The following IL1RAPL1 variants were observed in gnomAD, a reference collection of about 807,000 sequenced individuals.
The protein encoded by IL1RAPL1 is interleukin 1 receptor accessory protein like 1, also known as interleukin-1 receptor accessory protein-like 1.
Under a neutral mutation model 48.4 loss-of-function variants are expected in IL1RAPL1, and 3 were observed. The observed-to-expected ratio is 0.06, with a 90% CI of 0.03 to 0.16. IL1RAPL1 has a LOEUF of 0.16. Among genes scored for constraint, IL1RAPL1 ranks in the 10% least tolerant of loss-of-function variants. The probability of loss-of-function intolerance (pLI) is 1.00; values close to 1 mark genes in which losing one functional copy is unlikely to be tolerated. For synonymous variants in IL1RAPL1, 185 were observed against 187.7 expected (o/e 0.99, Z 0.12); for missense variants, 349 against 530.6 (o/e 0.66, Z 3.36).
At chrX:28,632,694 A>C (rs1406443898) in intron 1 of IL1RAPL1, among the ~76,000 whole-genome samples, 1 of 111,574 alleles carries the variant, frequency 9.0e-6, no homozygotes, top group Non-Finnish European at 1.9e-5. Flanking sequence ...TTACAAATTA[A>C]CATTATTTTA....
At chrX:29,018,410 T>C (rs1011096363) in intron 2 of IL1RAPL1, among the ~76,000 whole-genome samples, 1 of 112,186 alleles carries the variant, frequency 8.9e-6, no homozygotes, top group Admixed American at 9.5e-5. Context: ...TAGGACTACA[T>C]TGATTTTGTC....
intron 2 of IL1RAPL1, among the ~76,000 whole-genome samples, chrX:28,991,328 A>C (rs991553919): frequency 2.7e-5 from 3 of 112,169 alleles, no homozygotes; most frequent in African/African-American, 9.7e-5. Context: ...TATGCTTATC[A>C]GATGAAAGAA....
chrX:29,368,590 C>CTTTTTTT (rs894805840), intron 3 of IL1RAPL1, among the ~76,000 whole-genome samples: 3 of 87,668 alleles, frequency 3.4e-5, no homozygotes, highest in African/African-American at 4.4e-5. Flanking sequence ...CTTTTTCTTT[C>CTTTTTTT]TTTTTTTTTT....
intron 3 of IL1RAPL1, among the ~76,000 whole-genome samples, chrX:29,354,358 A>T (rs1360613419): frequency 9.0e-6 from 1 of 111,662 alleles, no homozygotes; most frequent in Non-Finnish European, 1.9e-5. Context: ...AGTATCCAAC[A>T]CTAGTTGTAT....
chrX:29,956,251 G>A lies in IL1RAPL1; in HGVS notation c.*431G>A, dbSNP rs1296189611. 1 of 134,093 alleles carries A rather than the reference G, an allele frequency of 7.5e-6. No homozygotes were observed. The highest frequency in any genetic ancestry group is 1.4e-5 in the Non-Finnish European group (1 of 70,580). The allele number at this position is 134,093 out of a possible 1,213,427, so 11.1% of individuals were successfully genotyped here. Reference sequence around the variant, plus strand: ...GACAAGGAGCACCGGATTCTTTCTCGGGTTCTGCCTAGCATCAACTGGGCC... The same window carrying A: ...GACAAGGAGCACCGGATTCTTTCTCAGGTTCTGCCTAGCATCAACTGGGCC... On this transcript the variant is annotated 3_prime_UTR_variant, in exon 11 of 11. Coordinates refer to ENST00000378993, the MANE Select transcript of IL1RAPL1 (RefSeq NM_014271.4).
At chrX:28,861,048 A>G (rs73631613) in intron 2 of IL1RAPL1, among the ~76,000 whole-genome samples, 2,587 of 111,094 alleles carry the variant, frequency 0.023, 74 homozygotes, top group African/African-American at 0.08. Context: ...TTTTTTCTCA[A>G]TAATACTACT....
chrX:29,398,040 A>T (rs1404204691), intron 4 of IL1RAPL1, among the ~76,000 whole-genome samples: 8 of 111,857 alleles, frequency 7.2e-5, no homozygotes, highest in Non-Finnish European at 1.5e-4. Flanking sequence ...AAAAGTCATA[A>T]CATTTCAGAT....
intron 5 of IL1RAPL1, among the ~76,000 whole-genome samples, chrX:29,526,428 TA>T (rs908266558): frequency 1.8e-5 from 2 of 111,591 alleles, no homozygotes; most frequent in Non-Finnish European, 3.8e-5. Context: ...TTAGAAAAGA[TA>T]AATTAGAGGC....
chrX:29,526,227 G>T (rs1569331037), intron 5 of IL1RAPL1, among the ~76,000 whole-genome samples: 2 of 111,500 alleles, frequency 1.8e-5, no homozygotes, highest in Non-Finnish European at 3.8e-5. Context: ...AAAATATACT[G>T]CATCTAGAAA....
intron 9 of IL1RAPL1, among the ~76,000 whole-genome samples, chrX:29,952,147 T>C (rs2086464280): frequency 8.9e-6 from 1 of 111,908 alleles, no homozygotes; most frequent in Admixed American, 9.5e-5. Flanking sequence ...TTCTGAATGC[T>C]CCGTTCTTAC....
chrX:29,556,274 A>T, intron 5 of IL1RAPL1, among the ~76,000 whole-genome samples: 1 of 112,262 alleles, frequency 8.9e-6, no homozygotes, highest in South Asian at 3.7e-4. Flanking sequence ...CTCTTGAACT[A>T]TATATGGTGT....
chrX:29,212,982 T>C (rs770163983), intron 2 of IL1RAPL1, among the ~76,000 whole-genome samples: 1 of 111,333 alleles, frequency 9.0e-6, no homozygotes, highest in Non-Finnish European at 1.9e-5. Flanking sequence ...CAACTGTATA[T>C]TCAGAATTAG....
At chrX:29,310,088 C>T (rs1039219851) in intron 3 of IL1RAPL1, among the ~76,000 whole-genome samples, 1 of 44,004 alleles carries the variant, frequency 2.3e-5, no homozygotes, top group Non-Finnish European at 3.8e-5. Context: ...AGCGAGACTC[C>T]GTCTCAAAAA....
At chrX:29,426,563 G>T (rs1180825615) in intron 5 of IL1RAPL1, among the ~76,000 whole-genome samples, 1 of 111,380 alleles carries the variant, frequency 9.0e-6, no homozygotes, top group African/African-American at 3.3e-5. Context: ...GTAATGTTGG[G>T]AACAATATTT....
intron 2 of IL1RAPL1, among the ~76,000 whole-genome samples, chrX:28,940,890 CTG>C (rs1216055458): frequency 9.0e-6 from 1 of 110,519 alleles, no homozygotes; most frequent in African/African-American, 3.3e-5. Context: ...TTCATAAATG[CTG>C]TACCTCATGA....
At chrX:29,767,298 A>G (rs766449177) in intron 6 of IL1RAPL1, among the ~76,000 whole-genome samples, 23 of 112,005 alleles carry the variant, frequency 2.1e-4, no homozygotes, top group African/African-American at 7.5e-4. Flanking sequence ...GCTCTTTGCT[A>G]TTTTACCCAT....
intron 2 of IL1RAPL1, among the ~76,000 whole-genome samples, chrX:29,004,402 A>C (rs1925928234): frequency 8.9e-6 from 1 of 112,109 alleles, no homozygotes; most frequent in African/African-American, 3.2e-5. Flanking sequence ...CAGAGTAGGT[A>C]AAGGACTTGA....
intron 5 of IL1RAPL1, among the ~76,000 whole-genome samples, chrX:29,443,900 A>G (rs1384885073): frequency 3.6e-5 from 4 of 112,111 alleles, no homozygotes; most frequent in Admixed American, 9.4e-5. Context: ...AGAGCAATCC[A>G]CAATACAGAA....
At chrX:29,826,649 G>C (rs1930745651) in intron 6 of IL1RAPL1, among the ~76,000 whole-genome samples, 1 of 111,467 alleles carries the variant, frequency 9.0e-6, no homozygotes, top group Non-Finnish European at 1.9e-5. Context: ...GTGGTTTTTT[G>C]TGTCTAGCTT....
Sources: allele counts gnomAD v4.1 joint callset (sites outside exome capture counted in the v4.1 genomes callset), GRCh38; gene constraint gnomAD v4.1.1; transcripts MANE v1.5; gene names NCBI Gene and HGNC (gene_info 2026-07-23, HGNC 2026-07-21).